The following LRRC4C variants were observed in gnomAD, a reference collection of about 807,000 sequenced individuals.
The protein encoded by LRRC4C is leucine rich repeat containing 4C.
A neutral mutation model predicts 33.6 loss-of-function variants in LRRC4C; 5 were observed. The ratio of observed to expected loss-of-function variants is 0.15; its 90% CI spans 0.08 to 0.31. The LOEUF (loss-of-function observed/expected upper bound fraction) is 0.31, where lower values mean the gene tolerates loss of function less well. Ranked by LOEUF, LRRC4C falls within the 10% of genes least tolerant of loss-of-function variation. The probability of loss-of-function intolerance (pLI) is 1.00; values close to 1 mark genes in which losing one functional copy is unlikely to be tolerated. For missense variants in LRRC4C, 560 were observed against 796.7 expected, an observed-to-expected ratio of 0.70 and a Z score of 3.58; for synonymous variants, 329 against 302.0, an observed-to-expected ratio of 1.09 and a Z score of -0.93.
At chr11:40,663,914 T>C (rs1008986951) in intron 2 of LRRC4C, among the ~76,000 whole-genome samples, 3 of 152,124 alleles carry the variant, frequency 2.0e-5, no homozygotes, top group Admixed American at 6.5e-5. Flanking sequence ...GAAGAATAAT[T>C]ATAAAGACAT....
rs60941162 is a variant in LRRC4C, at chr11:40,421,063, C to A, written c.-269-101342G>T. 7.5e-3 allele frequency among the ~76,000 whole-genome samples: 1,148 copies of A among 152,290 alleles called. 13 individuals carry two copies. Among genetic ancestry groups the A allele is most frequent in the African/African-American group, 0.026 (1,084 of 41,564 alleles). On this transcript the variant is annotated intron_variant, in intron 3 of 6. Transcript: ENST00000528697. ...GAAATGGAGCTCATAGCTATCTTCTCAATCTAAGTCCAGCATTTTTTTTCA... is the reference window on the plus strand; with the variant it reads ...GAAATGGAGCTCATAGCTATCTTCTAAATCTAAGTCCAGCATTTTTTTTCA...
chr11:40,737,945 G>A (rs534765561), intron 2 of LRRC4C, among the ~76,000 whole-genome samples: 1 of 152,272 alleles, frequency 6.6e-6, no homozygotes, highest in Admixed American at 6.5e-5. Flanking sequence ...AAAGCTGGCG[G>A]CATCATGCTA....
intron 4 of LRRC4C, among the ~76,000 whole-genome samples, chr11:40,313,975 A>C (rs1945454193): frequency 1.3e-5 from 2 of 152,036 alleles, no homozygotes; most frequent in African/African-American, 4.8e-5. Flanking sequence ...CCTCAACAGC[A>C]TGGGCAACAA....
At chr11:41,113,221 G>C (rs560532778) in intron 1 of LRRC4C, among the ~76,000 whole-genome samples, 1 of 151,808 alleles carries the variant, frequency 6.6e-6, no homozygotes, top group Admixed American at 6.6e-5. Flanking sequence ...TTGATCCACC[G>C]CTCATCAGCC....
rs1272736250 is a variant in LRRC4C, at chr11:40,469,130, G to A, written c.-269-149409C>T. On this transcript the variant is annotated intron_variant, in intron 3 of 6. Coordinates refer to ENST00000528697, the MANE Select transcript of LRRC4C (RefSeq NM_001258419.2). ...GAACAGCTCTGGTCTGCAGCTTCCA[G>A]TGAGATCAACGCAGAAGGTGGGTGA... Among the ~76,000 whole-genome samples, 3 of 152,352 alleles carry A rather than the reference G, an allele frequency of 2.0e-5. No individual in the cohort carries two copies. In the East Asian group the frequency reaches 5.8e-4, roughly 29 times the overall value.
intron 1 of LRRC4C, among the ~76,000 whole-genome samples, chr11:41,035,212 AATAAATAAATAAATAT>A (rs1180217412): frequency 2.0e-5 from 3 of 150,944 alleles, no homozygotes; most frequent in Non-Finnish European, 4.4e-5. Flanking sequence ...TACATAAATA[AATAAATAAATAAATAT>A]ATAAATAAAT....
chr11:40,808,557 GCT>G (rs917194951), intron 2 of LRRC4C, among the ~76,000 whole-genome samples: 1 of 151,962 alleles, frequency 6.6e-6, no homozygotes, highest in African/African-American at 2.4e-5. Context: ...AGTAAAGGGT[GCT>G]CTCTGTCTCC....
intron 3 of LRRC4C, among the ~76,000 whole-genome samples, chr11:40,386,074 T>C (rs1226964739): frequency 8.3e-6 from 1 of 120,528 alleles, no homozygotes; most frequent in Non-Finnish European, 1.8e-5. Context: ...AAATGAAATA[T>C]AATAAATTAA....
intron 4 of LRRC4C, among the ~76,000 whole-genome samples, chr11:40,283,876 G>A (rs1197824405): frequency 6.6e-6 from 1 of 151,484 alleles, no homozygotes; most frequent in African/African-American, 2.4e-5. Context: ...GGTTCATTTT[G>A]CATATTTAGT....
chr11:40,348,933 AT>A (rs979259708), intron 3 of LRRC4C, among the ~76,000 whole-genome samples: 1 of 152,106 alleles, frequency 6.6e-6, no homozygotes, highest in African/African-American at 2.4e-5. Context: ...AGTGTATTTA[AT>A]TTTTTATTTT....
intron 3 of LRRC4C, among the ~76,000 whole-genome samples, chr11:40,453,789 T>G (rs1952008969): frequency 6.6e-6 from 1 of 152,180 alleles, no homozygotes; most frequent in Non-Finnish European, 1.5e-5. Context: ...TAGTGATTGT[T>G]TAGGGCTTAT....
intron 1 of LRRC4C, among the ~76,000 whole-genome samples, chr11:40,997,548 T>C (rs1854069954): frequency 6.6e-6 from 1 of 152,132 alleles, no homozygotes; most frequent in Non-Finnish European, 1.5e-5. Context: ...AGGTATGCAA[T>C]TATTTTGAAA....
intron 3 of LRRC4C, among the ~76,000 whole-genome samples, chr11:40,402,025 A>C (rs1949779386): frequency 6.6e-6 from 1 of 152,118 alleles, no homozygotes; most frequent in Non-Finnish European, 1.5e-5. Context: ...AGAAGAAAGA[A>C]ATGCAGTCAA....
At chr11:40,504,512 G>A (rs1365142506) in intron 3 of LRRC4C, among the ~76,000 whole-genome samples, 1 of 151,974 alleles carries the variant, frequency 6.6e-6, no homozygotes, top group Non-Finnish European at 1.5e-5. Context: ...CCAGAGCTCA[G>A]GTATCAGCCT....
At chr11:40,274,625 G>T (rs574284783) in intron 4 of LRRC4C, among the ~76,000 whole-genome samples, 1 of 152,194 alleles carries the variant, frequency 6.6e-6, no homozygotes, top group African/African-American at 2.4e-5. Flanking sequence ...CTAGAAAAAT[G>T]TATTTCCATT....
At chr11:40,922,558 G>A (rs964288515) in intron 2 of LRRC4C, among the ~76,000 whole-genome samples, 1 of 152,096 alleles carries the variant, frequency 6.6e-6, no homozygotes, top group East Asian at 1.9e-4. Context: ...TATGCATGTG[G>A]TAAAAGATGT....
chr11:41,376,846 T>C (rs892642239), intron 1 of LRRC4C, among the ~76,000 whole-genome samples: 2 of 151,860 alleles, frequency 1.3e-5, no homozygotes, highest in Non-Finnish European at 2.9e-5. Flanking sequence ...AATAGATAGA[T>C]ACACACATAC....
intron 1 of LRRC4C, among the ~76,000 whole-genome samples, chr11:41,242,776 T>C (rs895600029): frequency 2.0e-5 from 3 of 152,148 alleles, no homozygotes; most frequent in African/African-American, 7.2e-5. Flanking sequence ...TTGGGACAAA[T>C]CTCTATCATA....
At chr11:40,895,448 T>C (rs1027350204) in intron 2 of LRRC4C, among the ~76,000 whole-genome samples, 4 of 152,182 alleles carry the variant, frequency 2.6e-5, no homozygotes, top group Non-Finnish European at 4.4e-5. Flanking sequence ...CTAAACATCC[T>C]ATCGCTTTTG....
Sources: allele counts gnomAD v4.1 joint callset (sites outside exome capture counted in the v4.1 genomes callset), GRCh38; gene constraint gnomAD v4.1.1; transcripts MANE v1.5; gene names NCBI Gene and HGNC (gene_info 2026-07-23, HGNC 2026-07-21).